NUP214: variants seen among roughly 807,000 people sequenced by gnomAD.
The protein encoded by NUP214 is nuclear pore complex protein Nup214.
A neutral mutation model predicts 196.2 loss-of-function variants in NUP214; 79 were observed. The ratio of observed to expected loss-of-function variants is 0.40; its 90% confidence interval spans 0.34 to 0.49. NUP214 has a LOEUF of 0.49. Among genes scored for constraint, NUP214 ranks in the 20% least tolerant of loss-of-function variants. The pLI is 0.58. For synonymous variants in NUP214, 1,020 were observed against 990.5 expected (o/e 1.03, Z -0.56); for missense variants, 2,468 against 2,539.0 (o/e 0.97, Z 0.60).
intron 21 of NUP214, among the ~76,000 whole-genome samples, chr9:131,171,194 G>C (rs1052212704): frequency 1.3e-5 from 2 of 152,196 alleles, no homozygotes; most frequent in African/African-American, 4.8e-5. Flanking sequence ...TTCTGTGAGT[G>C]AGCATGCCCA....
intron 30 of NUP214, among the ~76,000 whole-genome samples, chr9:131,211,730 C>G (rs1167945861): frequency 6.6e-6 from 1 of 152,216 alleles, no homozygotes; most frequent in Non-Finnish European, 1.5e-5. Flanking sequence ...GATCAGTACT[C>G]TTGTGATTTC....
chr9:131,197,593 G>A lies in NUP214; in HGVS notation c.4099G>A (p.Gly1367Ser), dbSNP rs1564205093. 1.3e-5 allele frequency: 21 copies of A among 1,614,094 alleles called. No homozygotes were observed. Among genetic ancestry groups the A allele is most frequent in the Non-Finnish European group, 1.5e-5 (18 of 1,180,058 alleles). The change falls in exon 29 of 36, where the codon GGC becomes AGC. Residue 1367 changes from glycine to serine, a missense_variant. Gly to Ser is a moderately conservative substitution (Grantham distance 56, BLOSUM62 0). Coordinates refer to ENST00000359428, the MANE Select transcript of NUP214 (RefSeq NM_005085.4). ...TAGTACCCAGCCAACCAAGACGTCA[G>A]GCGTGCCCTCAGGGTTTAATTTTAC... ...LTSTQPTKTSGVPSGFNFTAP... is the reference protein window; with the variant it reads ...LTSTQPTKTSSVPSGFNFTAP...
Position 131,178,498 on chromosome 9 carries a change from C to T in NUP214, c.3419+88C>T, listed in dbSNP as rs1588148947. The T allele has an allele frequency of 5.3e-6, 5 of 944,504 alleles. No individual in the cohort carries two copies. In the East Asian group the frequency reaches 1.3e-4, roughly 24 times the overall value. 58.5% of individuals were successfully genotyped at this position (944,504 alleles called of 1,614,324 possible). A position where few individuals can be genotyped will look rare whatever the true frequency, so the allele number is the denominator to read the frequency against. Reference sequence around the variant, plus strand: ...GCAGGGAGCAGCAGTGCCACTGTCACAGTCTGGTTTTCCTGCACCGCCTTA... The same window carrying T: ...GCAGGGAGCAGCAGTGCCACTGTCATAGTCTGGTTTTCCTGCACCGCCTTA... On this transcript the variant is annotated intron_variant, in intron 24 of 35. Transcript: ENST00000359428.
intron 21 of NUP214, among the ~76,000 whole-genome samples, chr9:131,170,128 T>C (rs1328095286): frequency 6.6e-6 from 1 of 152,172 alleles, no homozygotes; most frequent in Non-Finnish European, 1.5e-5. Flanking sequence ...CATGGAACTG[T>C]ACACTTTAAA....
chr9:131,181,099 A>T (rs1833266156), intron 24 of NUP214, among the ~76,000 whole-genome samples: 1 of 152,164 alleles, frequency 6.6e-6, no homozygotes, highest in Non-Finnish European at 1.5e-5. Flanking sequence ...ATAATTTTAA[A>T]TAGGGTGGCC....
Position 131,147,424 on chromosome 9 carries a change from C to T in NUP214, c.1946-66C>T. ...TAATTTCTTAGATTTGGAGAAAGGACATTTGTGATAGGAGAAATAAAGGTA... is the reference window on the plus strand; with the variant it reads ...TAATTTCTTAGATTTGGAGAAAGGATATTTGTGATAGGAGAAATAAAGGTA... On this transcript the variant is annotated intron_variant, in intron 13 of 35. Transcript: ENST00000359428. 4 of 1,171,592 alleles carry T rather than the reference C, an allele frequency of 3.4e-6. No individual in the cohort carries two copies. In the Admixed American group the frequency reaches 8.3e-5, roughly 24 times the overall value. The allele number at this position is 1,171,592 out of a possible 1,614,324, so 72.6% of individuals were successfully genotyped here. A position where few individuals can be genotyped will look rare whatever the true frequency, so the allele number is the denominator to read the frequency against.
At chr9:131,134,814 T>C (rs1262094752) in intron 7 of NUP214, 84 bp from the exon 8 acceptor site, 2 of 828,970 alleles carry the variant, frequency 2.4e-6, no homozygotes, top group Non-Finnish European at 4.0e-6. Flanking sequence ...TAACTTTAAA[T>C]GATTTATTAT....
intron 8 of NUP214, among the ~76,000 whole-genome samples, chr9:131,135,547 A>G (rs980279816): frequency 6.6e-6 from 1 of 152,248 alleles, no homozygotes; most frequent in African/African-American, 2.4e-5. Context: ...ATGACTTACG[A>G]AAATATTGAT....
rs773355370 is a variant in NUP214 at position 131,127,569 on chromosome 9, C to A, written c.91C>A (p.Pro31Thr). The stretch of plus-strand genomic sequence containing the variant: ...AAAGAAGGTGAGAATCTTTGACTCC[C>A]CTGAGGAATTGCCCAAGGAACGCTC... Reference protein sequence around the residue: ...ALKKVRIFDSPEELPKERSSL... With the variant: ...ALKKVRIFDSTEELPKERSSL... Residue 31 changes from proline to threonine, a missense_variant, in exon 2 of 36, where the codon CCT becomes ACT. Around this residue, in one of 5 missense-constraint regions of NUP214, gnomAD observed 392 missense variants for 417.9 expected, o/e 0.94. Coordinates refer to ENST00000359428, the MANE Select transcript of NUP214 (RefSeq NM_005085.4). The A allele has an allele frequency of 6.2e-7, 1 of 1,613,930 alleles. No individual in the cohort carries two copies. Among genetic ancestry groups the A allele is most frequent in the South Asian group, 1.1e-5 (1 of 91,056 alleles).
intron 30 of NUP214, among the ~76,000 whole-genome samples, chr9:131,203,322 A>G (rs900177311): frequency 2.6e-5 from 4 of 152,174 alleles, no homozygotes; most frequent in Non-Finnish European, 5.9e-5. Context: ...TATTATCGCC[A>G]TTTAAGAGAT....
Position 131,144,703 on chromosome 9 carries a change from A to T in NUP214, c.1718A>T (p.Lys573Met). ...GTGTCTGCTCCAAATATAGCAATGA[A>T]GCCCTCCTTCCCACCCTCAACCTCT... ...PSVSAPNIAM[K>M]PSFPPSTSAV... The change falls in exon 12 of 36, where the codon AAG (lysine) becomes ATG (methionine). Residue 573 changes from lysine to methionine, a missense_variant. By Grantham distance (95) the Lys-to-Met change is moderately conservative (BLOSUM62 -1). This residue lies in a region of NUP214 where 1,801 missense variants were observed against 1,779.4 expected (regional missense o/e 1.01). Coordinates refer to ENST00000359428, the MANE Select transcript of NUP214 (RefSeq NM_005085.4). 1 of 1,613,868 alleles carries T rather than the reference A, an allele frequency of 6.2e-7. No individual in the cohort carries two copies. Among genetic ancestry groups the T allele is most frequent in the Non-Finnish European group, 8.5e-7 (1 of 1,179,862 alleles).
In NUP214 at chr9:131,125,637, G is replaced by A. The variant is rs967430108; in HGVS notation, c.-68G>A. 6.5e-7 allele frequency: 1 copy of A among 1,539,590 alleles called. No homozygotes were observed. Among genetic ancestry groups the A allele is most frequent in the African/African-American group, 1.4e-5 (1 of 71,710 alleles). Reference sequence around the variant, plus strand: ...GAGGGGAGGAAGTTTGCTGTCGAGCGGCCTGGGTTCCGTGGGCAAGGCCGT... The same window carrying A: ...GAGGGGAGGAAGTTTGCTGTCGAGCAGCCTGGGTTCCGTGGGCAAGGCCGT... On this transcript the variant is annotated 5_prime_UTR_variant, in exon 1 of 36. Transcript: ENST00000359428. This position sits in a 1 kb window ranked among gnomAD's most constrained non-coding sequence, Gnocchi z 4.1.
Position 131,146,358 on chromosome 9 carries a change from G to T in NUP214, c.1945+54G>T. ...CTCAGCCCTGCCTTCTCAGATTAAC[G>T]GTTTTAAGTGTTAAGAGTCGTAGCT... is the stretch of plus-strand genomic sequence containing the variant. On this transcript the variant is annotated intron_variant, in intron 13 of 35. Transcript: ENST00000359428. This position sits in a 1 kb window ranked among gnomAD's most constrained non-coding sequence, Gnocchi z 4.6. 1 of 1,549,726 alleles carries T rather than the reference G, an allele frequency of 6.5e-7. No homozygotes were observed. Among genetic ancestry groups the T allele is most frequent in the African/African-American group, 1.4e-5 (1 of 73,490 alleles).
chr9:131,141,498 T>TTTG (rs1831914185), intron 11 of NUP214, among the ~76,000 whole-genome samples: 2 of 148,436 alleles, frequency 1.3e-5, no homozygotes, highest in Non-Finnish European at 3.0e-5. Context: ...TTTTTTTTTT[T>TTTG]GTGGAGACAG....
At chr9:131,139,445 C>T (rs749664659) in intron 10 of NUP214, 38 bp downstream of exon 10, 51 of 1,594,900 alleles carry the variant, frequency 3.2e-5, no homozygotes, top group Non-Finnish European at 4.3e-5. Flanking sequence ...AAATAGTCTT[C>T]TTTCTAGTTA....
At chr9:131,189,272 A>G (rs1157263586) in intron 26 of NUP214, 141 bp downstream of exon 26, 1 of 678,744 alleles carries the variant, frequency 1.5e-6, no homozygotes, top group Non-Finnish European at 2.6e-6. Context: ...TAGTATGACC[A>G]TAGACAAGAG....
At chr9:131,157,465 T>G (rs1051300483) in intron 17 of NUP214, among the ~76,000 whole-genome samples, 3 of 141,190 alleles carry the variant, frequency 2.1e-5, no homozygotes, top group African/African-American at 5.3e-5. Flanking sequence ...TGGCGTTTTT[T>G]TTTTTTTTTT....
intron 17 of NUP214, among the ~76,000 whole-genome samples, chr9:131,152,826 G>C (rs1050904983): frequency 2.6e-5 from 4 of 151,690 alleles, no homozygotes; most frequent in Non-Finnish European, 5.9e-5. Context: ...CTGTCGCCTG[G>C]GCTGAAGTGG....
Position 131,189,112 on chromosome 9 carries a change from A to G in NUP214, c.3555A>G (p.Ser1185=), listed in dbSNP as rs1833531758. The change falls in exon 26 of 36, where the codon TCA becomes TCG. Residue 1185 remains serine, a synonymous_variant. Transcript: ENST00000359428. ...SGPTPASGQL[S]SGDKASGTAK... Reference sequence around the variant, plus strand: ...CTACACCAGCATCCGGTCAGTTATCATCTGGTGACAAAGCTTCAGGTCAGT... The same window carrying G: ...CTACACCAGCATCCGGTCAGTTATCGTCTGGTGACAAAGCTTCAGGTCAGT... 1 of 1,614,080 alleles carries G rather than the reference A, an allele frequency of 6.2e-7. No individual in the cohort carries two copies. Among genetic ancestry groups the G allele is most frequent in the Non-Finnish European group, 8.5e-7 (1 of 1,179,934 alleles).
Sources: allele counts gnomAD v4.1 joint callset (sites outside exome capture counted in the v4.1 genomes callset), GRCh38; gene constraint gnomAD v4.1.1; regional missense constraint gnomAD v4.1.1; non-coding constraint Gnocchi (gnomAD v3.1); transcripts MANE v1.5; gene names NCBI Gene and HGNC (gene_info 2026-07-23, HGNC 2026-07-21).